Variants in SCARB2 observed in about 807,000 individuals in gnomAD.
The protein encoded by SCARB2 is scavenger receptor class B member 2.
A neutral mutation model predicts 58.6 loss-of-function variants in SCARB2; 29 were observed. The ratio of observed to expected loss-of-function variants is 0.49; its 90% CI spans 0.37 to 0.67. The LOEUF is 0.67. Ranked by LOEUF, SCARB2 falls within the 30% of genes least tolerant of loss-of-function variation. SCARB2 has a pLI of 0.00. For synonymous variants in SCARB2, 195 were observed against 210.1 expected, an observed-to-expected ratio of 0.93 and a Z score of 0.62; for missense variants, 488 against 578.5, an observed-to-expected ratio of 0.84 and a Z score of 1.60.
At chr4:76,215,057 C>T (rs1733175806), upstream of SCARB2, among the ~76,000 whole-genome samples, 1 of 152,252 alleles carries the variant, frequency 6.6e-6, no homozygotes, top group African/African-American at 2.4e-5. Context: ...AGAAAGAGGC[C>T]CGCCTTAGTA....
intron 1 of SCARB2, chr4:76,234,294 TTCAC>T (rs749550581): frequency 2.6e-5 from 4 of 152,554 alleles, no homozygotes; most frequent in Non-Finnish European, 4.4e-5. Context: ...TTTGAGTCAT[TTCAC>T]TCACCGCTTC....
At chr4:76,227,983 T>C (rs1733427663) in intron 1 of SCARB2, among the ~76,000 whole-genome samples, 1 of 152,238 alleles carries the variant, frequency 6.6e-6, no homozygotes, top group South Asian at 2.1e-4. Flanking sequence ...TTATCTATTC[T>C]GCCATTCTGT....
chr4:76,163,493 C>G, intron 10 of SCARB2, 110 bp from the exon 11 acceptor site: 1 of 1,101,740 alleles, frequency 9.1e-7, no homozygotes, highest in Non-Finnish European at 1.4e-6. Flanking sequence ...CTCCTGTTAG[C>G]AAACCAAACA....
intron 4 of SCARB2, 106 bp downstream of exon 4, chr4:76,179,406 ATAACT>A (rs1732332030): frequency 1.2e-6 from 1 of 830,984 alleles, no homozygotes; most frequent in Non-Finnish European, 2.1e-6. Flanking sequence ...ACTCTATAAG[ATAACT>A]TAACTCTAGG....
At chr4:76,182,397 C>T (rs1428992758) in intron 2 of SCARB2, among the ~76,000 whole-genome samples, 1 of 152,152 alleles carries the variant, frequency 6.6e-6, no homozygotes, top group Non-Finnish European at 1.5e-5. Flanking sequence ...GATGCTATTT[C>T]AGTTATAATG....
Position 76,179,014 on chromosome 4 carries a change from C to T in SCARB2, c.612+503G>A, listed in dbSNP as rs1376710150. The T allele has an allele frequency of 1.8e-5, 3 of 169,492 alleles. No individual in the cohort carries two copies. The South Asian group carries it at 4.2e-4, about 24-fold the overall frequency. The allele number at this position is 169,492 out of a possible 1,614,324, so 10.5% of individuals were successfully genotyped here. A position where few individuals can be genotyped will look rare whatever the true frequency, so the allele number is the denominator to read the frequency against. ...TATCTTTTACCAACTTCCCAACTAT[C>T]CACTGCACTCCAGGGTTTTTGTTTT... On this transcript the variant is annotated intron_variant, in intron 4 of 11. Coordinates refer to ENST00000264896, the MANE Select transcript of SCARB2 (RefSeq NM_005506.4).
At chr4:76,225,594 A>T (rs1733383226) in intron 1 of SCARB2, among the ~76,000 whole-genome samples, 1 of 152,336 alleles carries the variant, frequency 6.6e-6, no homozygotes, top group South Asian at 2.1e-4. Context: ...TTTTAATCAT[A>T]AAGCGATGCT....
At chr4:76,197,016 A>G (rs1732727070) in intron 1 of SCARB2, among the ~76,000 whole-genome samples, 1 of 152,220 alleles carries the variant, frequency 6.6e-6, no homozygotes, top group Non-Finnish European at 1.5e-5. Context: ...GGACACAGAC[A>G]AGCACAGAGG....
intron 7 of SCARB2, chr4:76,173,110 G>C (rs957239422): frequency 1.3e-5 from 2 of 152,114 alleles, no homozygotes; most frequent in Admixed American, 1.3e-4. Context: ...TGCAACATGT[G>C]GCTGTTAAAA....
Position 76,179,440 on chromosome 4 carries a change from CAA to C in SCARB2, c.612+75_612+76del, listed in dbSNP as rs200170843. On this transcript the variant is annotated intron_variant, in intron 4 of 11. Transcript: ENST00000264896. ...CTCTAGGCAATTTCTAGAAGAAACT[CAA>C]AGTTAATCTGGCTTGGGGTGCCCCA... 1,943 of 1,028,300 alleles carry C rather than the reference CAA, an allele frequency of 1.9e-3. 38 individuals are homozygous for C. In the East Asian group the frequency reaches 0.041, roughly 21 times the overall value. The allele number at this position is 1,028,300 out of a possible 1,614,324, so 63.7% of individuals were successfully genotyped here.
At chr4:76,172,010 ATATATAC>A (rs1000032192) in intron 7 of SCARB2, among the ~76,000 whole-genome samples, 14 of 149,682 alleles carry the variant, frequency 9.4e-5, no homozygotes, top group African/African-American at 3.4e-4. Context: ...ATACCTATAT[ATATATAC>A]TATATACATA....
At chr4:76,208,240 T>C (rs1365453919) in intron 1 of SCARB2, among the ~76,000 whole-genome samples, 1 of 152,172 alleles carries the variant, frequency 6.6e-6, no homozygotes, top group Non-Finnish European at 1.5e-5. Context: ...GTCTTAATCA[T>C]TAATAAGGAA....
At chr4:76,218,701 G>C (rs1473928976), upstream of SCARB2, among the ~76,000 whole-genome samples, 1 of 152,170 alleles carries the variant, frequency 6.6e-6, no homozygotes, top group Non-Finnish European at 1.5e-5. Flanking sequence ...CACGGAACTA[G>C]GAGGAGATAT....
At chr4:76,227,950 GC>G (rs1166384903) in intron 1 of SCARB2, among the ~76,000 whole-genome samples, 3 of 152,168 alleles carry the variant, frequency 2.0e-5, no homozygotes, top group African/African-American at 7.2e-5. Context: ...CTTGAAGACA[GC>G]AGATACCTGG....
intron 2 of SCARB2, among the ~76,000 whole-genome samples, chr4:76,187,621 T>A (rs753273367): frequency 6.6e-5 from 10 of 152,220 alleles, no homozygotes; most frequent in Non-Finnish European, 1.5e-4. Context: ...ATATTTTGTA[T>A]ATGTACATGC....
chr4:76,211,779 T>C (rs1733052514), intron 1 of SCARB2, among the ~76,000 whole-genome samples: 1 of 152,200 alleles, frequency 6.6e-6, no homozygotes, highest in Non-Finnish European at 1.5e-5. Flanking sequence ...CAACAGTATT[T>C]CCACACCTGC....
At chr4:76,170,614 T>G (rs1162701023) in intron 7 of SCARB2, among the ~76,000 whole-genome samples, 1 of 152,124 alleles carries the variant, frequency 6.6e-6, no homozygotes, top group Non-Finnish European at 1.5e-5. Flanking sequence ...GCCTCCCAGG[T>G]TCAAGCAATT....
intron 1 of SCARB2, among the ~76,000 whole-genome samples, chr4:76,200,297 T>C (rs1732803646): frequency 6.6e-6 from 1 of 152,238 alleles, no homozygotes; most frequent in Middle Eastern, 3.2e-3. Flanking sequence ...TGACTCTGGA[T>C]ATTAAGAGTG....
chr4:76,181,460 T>C (rs1398291556), intron 2 of SCARB2, among the ~76,000 whole-genome samples: 2 of 152,222 alleles, frequency 1.3e-5, no homozygotes, highest in Non-Finnish European at 2.9e-5. Flanking sequence ...CAGATTTAGT[T>C]TGAATTTCAA....
Sources: gnomAD v4.1 joint callset for allele counts (sites outside exome capture counted in the v4.1 genomes callset) on GRCh38, gnomAD v4.1.1 for gene constraint, MANE v1.5 for transcripts, NCBI Gene and HGNC (gene_info 2026-07-23, HGNC 2026-07-21) for gene names.